LDLRAD3: variants seen among roughly 807,000 people sequenced by gnomAD.
The protein encoded by LDLRAD3 is low-density lipoprotein receptor class A domain-containing protein 3.
A neutral mutation model predicts 29.4 loss-of-function variants in LDLRAD3; 20 were observed. The ratio of observed to expected loss-of-function variants is 0.68; its 90% CI spans 0.48 to 0.99. The LOEUF (loss-of-function observed/expected upper bound fraction) is 0.99. Among genes scored for constraint, LDLRAD3 ranks in the 50% least tolerant of loss-of-function variants. The pLI is 0.00. For missense variants in LDLRAD3, 420 were observed against 454.3 expected (o/e 0.92, Z 0.69); for synonymous variants, 157 against 192.7 (o/e 0.81, Z 1.53).
intron 4 of LDLRAD3, among the ~76,000 whole-genome samples, chr11:36,191,506 G>A (rs1171972696): frequency 6.8e-6 from 1 of 146,304 alleles, no homozygotes; most frequent in Non-Finnish European, 1.5e-5. Flanking sequence ...GCGCGCCACT[G>A]CACTCTAGCC....
intron 1 of LDLRAD3, among the ~76,000 whole-genome samples, chr11:35,957,029 A>T (rs1851209981): frequency 6.6e-6 from 1 of 152,218 alleles, no homozygotes; most frequent in African/African-American, 2.4e-5. Flanking sequence ...CTGGGATTAC[A>T]GGCGTGAGAC....
intron 4 of LDLRAD3, among the ~76,000 whole-genome samples, chr11:36,166,198 T>C (rs186517526): frequency 6.6e-6 from 1 of 152,290 alleles, no homozygotes; most frequent in Admixed American, 6.5e-5. Context: ...GGGGAAATAT[T>C]TGATTTCTTT....
chr11:36,221,287 G>T (rs1375369553), intron 4 of LDLRAD3, among the ~76,000 whole-genome samples: 1 of 151,634 alleles, frequency 6.6e-6, no homozygotes, highest in African/African-American at 2.4e-5. Context: ...GGAGGTGGAG[G>T]TTGCAGTGAG....
intron 1 of LDLRAD3, among the ~76,000 whole-genome samples, chr11:36,020,747 C>T (rs945788536): frequency 6.6e-6 from 1 of 152,120 alleles, no homozygotes; most frequent in Non-Finnish European, 1.5e-5. Flanking sequence ...GAGAGGTGGG[C>T]TGGCCAGGAT....
chr11:36,058,270 C>T (rs1177418767), intron 2 of LDLRAD3, among the ~76,000 whole-genome samples: 1 of 152,144 alleles, frequency 6.6e-6, no homozygotes, highest in Non-Finnish European at 1.5e-5. Context: ...CTTCCAGGCA[C>T]AACACTGGAA....
chr11:36,056,474 C>A (rs375144371), intron 2 of LDLRAD3, among the ~76,000 whole-genome samples: 47 of 152,190 alleles, frequency 3.1e-4, no homozygotes, highest in African/African-American at 1.1e-3. Context: ...GTGGCCTAGC[C>A]AAGTTTTGAA....
At chr11:36,055,638 G>A (rs141238924) in intron 2 of LDLRAD3, among the ~76,000 whole-genome samples, 271 of 152,342 alleles carry the variant, frequency 1.8e-3, no homozygotes, top group African/African-American at 6.0e-3. Flanking sequence ...CACAGTGCCC[G>A]TGTGCAGGGT....
chr11:35,969,789 G>C (rs770112409), intron 1 of LDLRAD3, among the ~76,000 whole-genome samples: 1 of 152,202 alleles, frequency 6.6e-6, no homozygotes, highest in East Asian at 1.9e-4. Flanking sequence ...GGCAGAACCA[G>C]CTCCTCCAGG....
At chr11:36,064,479 ATTTTTTTTTTT>A (rs34464861) in intron 2 of LDLRAD3, among the ~76,000 whole-genome samples, 4 of 120,608 alleles carry the variant, frequency 3.3e-5, no homozygotes, top group Non-Finnish European at 6.8e-5. Flanking sequence ...TGGCTAATTA[ATTTTTTTTTTT>A]TTTTTTTTTT....
intron 4 of LDLRAD3, among the ~76,000 whole-genome samples, chr11:36,136,887 T>G (rs1207892739): frequency 6.6e-6 from 1 of 152,102 alleles, no homozygotes; most frequent in Non-Finnish European, 1.5e-5. Flanking sequence ...GGCAGGGTTT[T>G]GCCATGTTGG....
At position 36,229,648 on chromosome 11, in the gene LDLRAD3, T is replaced by G. The variant is rs1010163341; in HGVS notation, c.*251T>G. 1.4e-5 allele frequency: 7 copies of G among 504,120 alleles called. No homozygotes were observed. The East Asian group carries it at 1.8e-4, about 13-fold the overall frequency. 31.2% of individuals were successfully genotyped at this position (504,120 alleles called of 1,614,324 possible). A position where few individuals can be genotyped will look rare whatever the true frequency, so the allele number is the denominator to read the frequency against. On this transcript the variant is annotated 3_prime_UTR_variant, in exon 6 of 6. Transcript: ENST00000315571. ...TCCCTTGGGACCCGAGATCACACCC[T>G]CATTTTTCACATTATTCTGTTTCTG...
chr11:36,013,827 GT>G (rs1851987057), intron 1 of LDLRAD3, among the ~76,000 whole-genome samples: 2 of 152,078 alleles, frequency 1.3e-5, no homozygotes, highest in South Asian at 4.1e-4. Flanking sequence ...GACAGTGGCT[GT>G]TACAGATGCC....
chr11:36,140,388 C>T (rs778586200), intron 4 of LDLRAD3, among the ~76,000 whole-genome samples: 73 of 152,206 alleles, frequency 4.8e-4, no homozygotes, highest in Non-Finnish European at 8.5e-4. Flanking sequence ...ATCTAAATGC[C>T]TGTCTGTAGG....
chr11:36,066,208 C>T (rs1277063041), intron 2 of LDLRAD3, among the ~76,000 whole-genome samples: 1 of 151,082 alleles, frequency 6.6e-6, no homozygotes, highest in Non-Finnish European at 1.5e-5. Context: ...AGGAGTCATC[C>T]CTTAGATATC....
chr11:36,169,087 A>G (rs954793966), intron 4 of LDLRAD3, among the ~76,000 whole-genome samples: 2 of 152,200 alleles, frequency 1.3e-5, no homozygotes, highest in African/African-American at 4.8e-5. Context: ...TGCAGACTAC[A>G]GTTGTGGAGC....
intron 2 of LDLRAD3, among the ~76,000 whole-genome samples, chr11:36,058,809 A>G (rs1013129790): frequency 2.0e-5 from 3 of 152,214 alleles, no homozygotes; most frequent in Non-Finnish European, 4.4e-5. Flanking sequence ...AGGCTAGGAA[A>G]GATGTGAAAC....
chr11:36,121,737 G>A (rs1273835355), intron 4 of LDLRAD3, among the ~76,000 whole-genome samples: 8 of 152,238 alleles, frequency 5.3e-5, no homozygotes, highest in Admixed American at 5.2e-4. Flanking sequence ...TAGCCTCTGT[G>A]CTTCTCACAC....
intron 4 of LDLRAD3, among the ~76,000 whole-genome samples, chr11:36,182,093 A>G (rs1854773250): frequency 6.6e-6 from 1 of 152,214 alleles, no homozygotes. Context: ...TGCAGATAAC[A>G]GAAAGGAGGA....
At chr11:36,089,433 T>G (rs1590257847) in intron 3 of LDLRAD3, among the ~76,000 whole-genome samples, 1 of 10,460 alleles carries the variant, frequency 9.6e-5, no homozygotes, top group African/African-American at 2.1e-3. Flanking sequence ...CCCAATACAT[T>G]TTTTTTTTTT....
Sources: gnomAD v4.1 joint callset for allele counts (sites outside exome capture counted in the v4.1 genomes callset) on GRCh38, gnomAD v4.1.1 for gene constraint, MANE v1.5 for transcripts, NCBI Gene and HGNC (gene_info 2026-07-23, HGNC 2026-07-21) for gene names.